Variants in CNGB1 observed in about 807,000 individuals in gnomAD.
CNGB1 encodes cyclic nucleotide gated channel subunit beta 1.
A neutral mutation model predicts 151.7 loss-of-function variants in CNGB1; 126 were observed. The observed-to-expected ratio is 0.83, with a 90% CI of 0.72 to 0.96. The LOEUF (loss-of-function observed/expected upper bound fraction) is 0.96. Among genes scored for constraint, CNGB1 ranks in the 40% least tolerant of loss-of-function variants. The probability of loss-of-function intolerance (pLI) is 0.00; values close to 1 mark genes in which losing one functional copy is unlikely to be tolerated. For synonymous variants in CNGB1, 623 were observed against 635.1 expected (o/e 0.98, Z 0.29); for missense variants, 1,698 against 1,627.0 (o/e 1.04, Z -0.75).
At position 57,903,729 on chromosome 16, in the gene CNGB1, A is replaced by G. The variant is rs1020220451; in HGVS notation, c.2794+93T>C. The G allele has an allele frequency of 1.2e-5, 17 of 1,425,116 alleles. No individual in the cohort carries two copies. The African/African-American group carries it at 2.1e-4, about 18-fold the overall frequency. 88.3% of individuals were successfully genotyped at this position (1,425,116 alleles called of 1,614,324 possible). On this transcript the variant is annotated intron_variant, in intron 27 of 32. Coordinates refer to ENST00000251102, the MANE Select transcript of CNGB1 (RefSeq NM_001297.5). ...AGTACTCGGGACCTCAGAGACACAG[A>G]GGACGAGGGAGGCGCCCCGAAGGCA...
In CNGB1 at chr16:57,911,750, C is replaced by T. The variant is rs1286997861; in HGVS notation, c.2492+3G>A. Reference sequence around the variant, plus strand: ...TGGCCCCAGGGGGAGGACTGTGGCTCACCTGTTTCCCACGCCATCGTAAAC... The same window carrying T: ...TGGCCCCAGGGGGAGGACTGTGGCTTACCTGTTTCCCACGCCATCGTAAAC... On this transcript the variant is annotated splice_donor_region_variant and intron_variant, in intron 25 of 32. Coordinates refer to ENST00000251102, the MANE Select transcript of CNGB1 (RefSeq NM_001297.5). The T allele has an allele frequency of 1.9e-6, 3 of 1,613,834 alleles. No homozygotes were observed. The highest frequency in any genetic ancestry group is 2.2e-5 in the East Asian group (1 of 44,860).
At chr16:57,915,131 G>T in intron 23 of CNGB1, 118 bp downstream of exon 23, 2 of 759,932 alleles carry the variant, frequency 2.6e-6, no homozygotes, top group Non-Finnish European at 4.4e-6. Flanking sequence ...TCTCCCCTCG[G>T]GCCATCCCTT....
At position 57,958,443 on chromosome 16, in the gene CNGB1, C is replaced by CGGCAAG. The variant is rs1377249966; in HGVS notation, c.798_803dup (p.Leu267_Pro268dup). The CGGCAAG allele has an allele frequency of 5.0e-6, 8 of 1,610,214 alleles. No individual in the cohort carries two copies. In the African/African-American group the frequency reaches 9.6e-5, roughly 19 times the overall value. On this transcript the variant is annotated inframe_insertion, in exon 11 of 33. Coordinates refer to ENST00000251102, the MANE Select transcript of CNGB1 (RefSeq NM_001297.5). Reference sequence around the variant, plus strand: ...CTATTTTCCCATGTAGCACTGGCTGCGGCAAGGCCATCTCCAGCCTGTGCA... The same window carrying CGGCAAG: ...CTATTTTCCCATGTAGCACTGGCTGCGGCAAGGGCAAGGCCATCTCCAGCCTGTGCA...
chr16:57,885,050 T>A (rs759366647), intron 32 of CNGB1, among the ~76,000 whole-genome samples: 1 of 152,150 alleles, frequency 6.6e-6, no homozygotes, highest in Non-Finnish European at 1.5e-5. Flanking sequence ...ACCTCCAGCC[T>A]CCAGCCTGTG....
chr16:57,934,136 T>A (rs1961440812), intron 16 of CNGB1, among the ~76,000 whole-genome samples: 2 of 152,128 alleles, frequency 1.3e-5, no homozygotes, highest in African/African-American at 4.8e-5. Flanking sequence ...GAGAAGAGGA[T>A]GAGCAGGAAT....
intron 25 of CNGB1, among the ~76,000 whole-genome samples, chr16:57,909,897 C>T (rs1434900059): frequency 6.6e-6 from 1 of 152,168 alleles, no homozygotes; most frequent in Non-Finnish European, 1.5e-5. Flanking sequence ...CCATCTGCTA[C>T]CTCAGCTGTA....
chr16:57,888,019 G>A lies in CNGB1; in HGVS notation c.3298C>T (p.Pro1100Ser). 1 of 1,614,180 alleles carries A rather than the reference G, an allele frequency of 6.2e-7. No homozygotes were observed. The highest frequency in any genetic ancestry group is 8.5e-7 in the Non-Finnish European group (1 of 1,180,032). The change falls in exon 32 of 33, where the codon CCA becomes TCA. Residue 1100 changes from proline (P) to serine (S), a missense_variant. Transcript: ENST00000251102. ...PKEEKSVLIL[P>S]PRAGTPKLFN... is the part of the protein sequence containing the mutation. ...AGCTTTGGGGTGCCCGCCCGGGGTG[G>A]AAGGATCAGCACGCTCTTCTCCTCC...
chr16:57,890,353 G>A (rs1478583498), intron 31 of CNGB1, among the ~76,000 whole-genome samples: 1 of 152,170 alleles, frequency 6.6e-6, no homozygotes, highest in Non-Finnish European at 1.5e-5. Flanking sequence ...TCTGACACGC[G>A]CCAGCTCGGC....
In CNGB1 at chr16:57,917,742, G is replaced by T. The variant is rs150522842; in HGVS notation, c.1958-266C>A. Among the ~76,000 whole-genome samples, 471 of 151,382 alleles carry T rather than the reference G, an allele frequency of 3.1e-3. 5 individuals are homozygous for T. Among genetic ancestry groups the T allele is most frequent in the African/African-American group, 0.011 (450 of 41,232 alleles). ...TTTGGGAGGCCTAGGTGGGAGGATT[G>T]CTTGAGCCCAGGAGTTTAAGACCAG... On this transcript the variant is annotated intron_variant, in intron 20 of 32. Transcript: ENST00000251102.
chr16:57,962,423 G>A, intron 7 of CNGB1, 142 bp downstream of exon 7: 2 of 789,272 alleles, frequency 2.5e-6, no homozygotes, highest in Non-Finnish European at 4.5e-6. Context: ...CCATTCTATG[G>A]CTGGAAACAG....
chr16:57,944,894 C>A (rs1961763691), intron 14 of CNGB1, among the ~76,000 whole-genome samples: 1 of 136,674 alleles, frequency 7.3e-6, no homozygotes, highest in African/African-American at 2.9e-5. Flanking sequence ...GCAGAGATTG[C>A]AGTGAGCCAG....
chr16:57,903,753 C>A, intron 27 of CNGB1, 69 bp downstream of exon 27: 1 of 1,578,656 alleles, frequency 6.3e-7, no homozygotes, highest in African/African-American at 1.3e-5. Context: ...GCCCCGAAGG[C>A]ATGGCACCGG....
Position 57,915,118 on chromosome 16 carries a change from G to A in CNGB1, c.2304+131C>T, listed in dbSNP as rs926379216. ...CCACTAAGACACACGTGGAATAAAT[G>A]CATCTCCCCTCGGGCCATCCCTTGA... On this transcript the variant is annotated intron_variant, in intron 23 of 32. Transcript: ENST00000251102. The A allele has an allele frequency of 4.8e-5, 32 of 669,594 alleles. No individual in the cohort carries two copies. The African/African-American group carries it at 5.2e-4, about 11-fold the overall frequency. 41.5% of individuals were successfully genotyped at this position (669,594 alleles called of 1,614,324 possible). A position where few individuals can be genotyped will look rare whatever the true frequency, so the allele number is the denominator to read the frequency against.
intron 17 of CNGB1, among the ~76,000 whole-genome samples, chr16:57,926,794 A>G (rs1961202045): frequency 6.6e-6 from 1 of 152,112 alleles, no homozygotes; most frequent in African/African-American, 2.4e-5. Flanking sequence ...AGCCTGCCCA[A>G]CATGGTGAAA....
rs754667137 is a variant in CNGB1 at position 57,884,237 on chromosome 16, C to A, written c.3683G>T (p.Ser1228Ile). The A allele has an allele frequency of 4.4e-5, 71 of 1,613,818 alleles. 1 individual carries two copies. Among genetic ancestry groups the A allele is most frequent in the Non-Finnish European group, 5.8e-5 (68 of 1,179,924 alleles). ...CTGCTCTCCCGGCTCCGGGCCCGGGCTCATGCAGATCCTCACCGAGTGCTC... is the reference window on the plus strand; with the variant it reads ...CTGCTCTCCCGGCTCCGGGCCCGGGATCATGCAGATCCTCACCGAGTGCTC... The part of the protein sequence containing the change: ...PEEHSVRICM[S>I]PGPEPGEQIL... Residue 1228 changes from serine to isoleucine, a missense_variant, in exon 33 of 33, where the codon AGC becomes ATC. Physicochemically the swap from Ser to Ile is moderately radical, Grantham distance 142. Coordinates refer to ENST00000251102, the MANE Select transcript of CNGB1 (RefSeq NM_001297.5).
rs1451575280 is a variant in CNGB1, at chr16:57,904,840, A to AG, written c.2527dup (p.Leu843ProfsTer9). On this transcript the variant is annotated frameshift_variant, in exon 26 of 33. Coordinates refer to ENST00000251102, the MANE Select transcript of CNGB1 (RefSeq NM_001297.5). LOFTEE classifies it high-confidence loss of function. ...GTCAGGCAGCCCCCCGATGGTGATG[A>AG]GGGTCTTCACAGCAAAGTAGTAACA... The AG allele has an allele frequency of 3.1e-6, 5 of 1,614,084 alleles. No homozygotes were observed. Among genetic ancestry groups the AG allele is most frequent in the East Asian group, 2.2e-5 (1 of 44,892 alleles).
intron 31 of CNGB1, among the ~76,000 whole-genome samples, chr16:57,895,507 GTGTA>G (rs1362887124): frequency 3.4e-4 from 51 of 149,998 alleles, no homozygotes; most frequent in African/African-American, 1.2e-3. Flanking sequence ...GTATATGTGT[GTGTA>G]TGTATTTTAT....
rs1333960707 is a variant in CNGB1 at position 57,882,609 on chromosome 16, G to C, written c.*1555C>G. ...ATTTTCCTGTAATTTTATATAAAAT[G>C]GGCAGGACCTATTGGAATTCCAGGT... On this transcript the variant is annotated 3_prime_UTR_variant, in exon 33 of 33. Coordinates refer to ENST00000251102, the MANE Select transcript of CNGB1 (RefSeq NM_001297.5). 6.6e-6 allele frequency: 1 copy of C among 151,950 alleles called. No homozygotes were observed. The highest frequency in any genetic ancestry group is 1.5e-5 in the Non-Finnish European group (1 of 67,988). The allele number at this position is 151,950 out of a possible 1,614,324, so 9.4% of individuals were successfully genotyped here. A position where few individuals can be genotyped will look rare whatever the true frequency, so the allele number is the denominator to read the frequency against.
rs1961634196 is a variant in CNGB1 at position 57,940,329 on chromosome 16, C to T, written c.1122-8G>A. ...CAGCTATCCAGCAGCACCCTGTGAC[C>T]CGGGGCGGGGTGGGGAGGATAAAAG... On this transcript the variant is annotated splice_polypyrimidine_tract_variant and splice_region_variant and intron_variant, in intron 14 of 32. Coordinates refer to ENST00000251102, the MANE Select transcript of CNGB1 (RefSeq NM_001297.5). 6.4e-7 allele frequency: 1 copy of T among 1,573,492 alleles called. No individual in the cohort carries two copies. The highest frequency in any genetic ancestry group is 8.6e-7 in the Non-Finnish European group (1 of 1,159,360).
Sources: allele counts gnomAD v4.1 joint callset (sites outside exome capture counted in the v4.1 genomes callset), GRCh38; gene constraint gnomAD v4.1.1; transcripts MANE v1.5; gene names NCBI Gene and HGNC (gene_info 2026-07-23, HGNC 2026-07-21).